The following PARD3 variants were observed in gnomAD, a reference collection of about 807,000 sequenced individuals.
PARD3 encodes partitioning defective 3 homolog.
Under a neutral mutation model 155.4 loss-of-function variants are expected in PARD3, and 75 were observed. The ratio of observed to expected loss-of-function variants is 0.48; its 90% confidence interval spans 0.40 to 0.58. The LOEUF is 0.58. Ranked by LOEUF, PARD3 falls within the 20% of genes least tolerant of loss-of-function variation. The pLI is 0.00. For synonymous variants in PARD3, 576 were observed against 610.5 expected (o/e 0.94, Z 0.83); for missense variants, 1,642 against 1,721.7 (o/e 0.95, Z 0.82).
chr10:34,721,794 T>C (rs1330793138), intron 1 of PARD3, among the ~76,000 whole-genome samples: 1 of 152,240 alleles, frequency 6.6e-6, no homozygotes, highest in Non-Finnish European at 1.5e-5. Flanking sequence ...GTGAAAAATA[T>C]ATATTTTGGG....
At chr10:34,498,813 T>A (rs960979287) in intron 3 of PARD3, among the ~76,000 whole-genome samples, 1 of 152,100 alleles carries the variant, frequency 6.6e-6, no homozygotes, top group African/African-American at 2.4e-5. Context: ...TTAAAAAGCC[T>A]ACATTAATAC....
intron 5 of PARD3, among the ~76,000 whole-genome samples, chr10:34,427,836 C>T (rs1414228344): frequency 6.6e-6 from 1 of 152,028 alleles, no homozygotes; most frequent in East Asian, 1.9e-4. Flanking sequence ...GTTGAATTAT[C>T]GGGGACAGGT....
intron 5 of PARD3, among the ~76,000 whole-genome samples, chr10:34,448,363 G>A (rs746395018): frequency 2.6e-5 from 4 of 151,822 alleles, no homozygotes; most frequent in Non-Finnish European, 4.4e-5. Flanking sequence ...AACAGAGTAC[G>A]ATGGCAGTTA....
chr10:34,444,829 T>C (rs764027831), intron 5 of PARD3, among the ~76,000 whole-genome samples: 8 of 152,236 alleles, frequency 5.3e-5, no homozygotes, highest in Non-Finnish European at 1.2e-4. Flanking sequence ...TTTAAAGCAC[T>C]CTTTTGCCTT....
At chr10:34,638,892 G>C (rs2092574676) in intron 2 of PARD3, among the ~76,000 whole-genome samples, 1 of 152,164 alleles carries the variant, frequency 6.6e-6, no homozygotes, top group Admixed American at 6.5e-5. Context: ...ATGATTTATA[G>C]TTCTCTCTCT....
At chr10:34,321,939 C>G (rs1031305143) in intron 19 of PARD3, among the ~76,000 whole-genome samples, 1 of 152,140 alleles carries the variant, frequency 6.6e-6, no homozygotes, top group East Asian at 1.9e-4. Context: ...GACTCAAAGC[C>G]TCAAGGTCAT....
chr10:34,182,330 A>G (rs951951592), intron 22 of PARD3, among the ~76,000 whole-genome samples: 2 of 152,246 alleles, frequency 1.3e-5, no homozygotes, highest in African/African-American at 4.8e-5. Flanking sequence ...AGATTTCTCT[A>G]CATATACTAG....
chr10:34,728,836 T>C (rs1290692977), intron 1 of PARD3, among the ~76,000 whole-genome samples: 1 of 152,220 alleles, frequency 6.6e-6, no homozygotes, highest in African/African-American at 2.4e-5. Context: ...GGCAAAATTA[T>C]CAAGTTAATC....
intron 2 of PARD3, among the ~76,000 whole-genome samples, chr10:34,544,449 TA>T (rs2083884845): frequency 2.0e-5 from 3 of 152,226 alleles, no homozygotes; most frequent in African/African-American, 7.2e-5. Context: ...TTGCCCATCT[TA>T]AATGCTATTT....
Position 34,358,784 on chromosome 10 carries a change from G to T in PARD3, c.2067+363C>A, listed in dbSNP as rs147867957. Reference sequence around the variant, plus strand: ...ATTTTAAATAAATGAATAAGCAACTGTTTCTCTGCATGATTCACCTCCCAG... The same window carrying T: ...ATTTTAAATAAATGAATAAGCAACTTTTTCTCTGCATGATTCACCTCCCAG... On this transcript the variant is annotated intron_variant, in intron 14 of 24. Transcript: ENST00000374788. Among the ~76,000 whole-genome samples the T allele has an allele frequency of 8.5e-3, 1,289 of 152,298 alleles. 19 individuals are homozygous for T. Among genetic ancestry groups the T allele is most frequent in the African/African-American group, 0.029 (1,224 of 41,566 alleles).
intron 1 of PARD3, among the ~76,000 whole-genome samples, chr10:34,727,263 C>T (rs1180105985): frequency 1.3e-5 from 2 of 152,210 alleles, no homozygotes; most frequent in Non-Finnish European, 2.9e-5. Flanking sequence ...ATCTAAGGAA[C>T]AGCTGCCACT....
intron 2 of PARD3, among the ~76,000 whole-genome samples, chr10:34,551,813 T>C (rs960668724): frequency 6.6e-6 from 1 of 152,136 alleles, no homozygotes; most frequent in Non-Finnish European, 1.5e-5. Flanking sequence ...GAGCATTGGA[T>C]GACACCACAG....
chr10:34,438,594 T>G (rs868586066), intron 5 of PARD3, among the ~76,000 whole-genome samples: 20 of 152,152 alleles, frequency 1.3e-4, no homozygotes, highest in Admixed American at 6.5e-4. Context: ...CATTATGAAC[T>G]TTTTCCTTTC....
chr10:34,482,032 C>CTTTTTTTT (rs58877037), intron 3 of PARD3, among the ~76,000 whole-genome samples: 1,119 of 101,558 alleles, frequency 0.011, 95 homozygotes, highest in African/African-American at 0.052. Context: ...TAATTTTTAT[C>CTTTTTTTT]TTTTTTTTTT....
intron 22 of PARD3, among the ~76,000 whole-genome samples, chr10:34,210,109 T>C (rs908339896): frequency 6.6e-6 from 1 of 152,176 alleles, no homozygotes; most frequent in African/African-American, 2.4e-5. Flanking sequence ...TGAAATGTGC[T>C]CAATGCGAGG....
At chr10:34,225,048 A>C (rs947086355) in intron 22 of PARD3, among the ~76,000 whole-genome samples, 1 of 152,236 alleles carries the variant, frequency 6.6e-6, no homozygotes, top group African/African-American at 2.4e-5. Flanking sequence ...CAAGGTTTAG[A>C]GATGTTAATA....
At chr10:34,244,506 A>G (rs900187748) in intron 22 of PARD3, among the ~76,000 whole-genome samples, 3 of 152,200 alleles carry the variant, frequency 2.0e-5, no homozygotes, top group African/African-American at 7.2e-5. Context: ...ATATTATATC[A>G]TGACCACTGG....
At chr10:34,378,906 C>T (rs867014429) in intron 9 of PARD3, among the ~76,000 whole-genome samples, 1 of 152,084 alleles carries the variant, frequency 6.6e-6, no homozygotes, top group Admixed American at 6.6e-5. Flanking sequence ...GTCTTACATG[C>T]TCAATACAAA....
rs80289786 is a variant in PARD3 at position 34,326,769 on chromosome 10, A to G, written c.2833+4348T>C. ...AAATTTCATACTGAAAACCTAAATT[A>G]TGTGTATTCTGGAGCAGTGCTTTTC... On this transcript the variant is annotated intron_variant, in intron 19 of 24. Coordinates refer to ENST00000374788, the MANE Select transcript of PARD3 (RefSeq NM_001184785.2). Among the ~76,000 whole-genome samples, 62 of 152,338 alleles carry G rather than the reference A, an allele frequency of 4.1e-4. No homozygotes were observed. In the East Asian group the frequency reaches 9.3e-3, roughly 23 times the overall value.
Sources: allele counts gnomAD v4.1 joint callset (sites outside exome capture counted in the v4.1 genomes callset), GRCh38; gene constraint gnomAD v4.1.1; transcripts MANE v1.5; gene names NCBI Gene and HGNC (gene_info 2026-07-23, HGNC 2026-07-21).